The following VAMP4 variants were observed in gnomAD, a reference collection of about 807,000 sequenced individuals.
The protein encoded by VAMP4 is vesicle-associated membrane protein 4.
A neutral mutation model predicts 23.5 loss-of-function variants in VAMP4; 19 were observed. That is an observed-to-expected ratio of 0.81 (90% confidence interval 0.56 to 1.19). The LOEUF (loss-of-function observed/expected upper bound fraction) is 1.19. VAMP4 is among the 50% of genes most tolerant of loss of function. The pLI, the probability that VAMP4 is intolerant of heterozygous loss-of-function variation, is 0.00. For missense variants in VAMP4, 145 were observed against 168.6 expected, an observed-to-expected ratio of 0.86 and a Z score of 0.78; for synonymous variants, 31 against 51.0, an observed-to-expected ratio of 0.61 and a Z score of 1.67.
intron 4 of VAMP4, among the ~76,000 whole-genome samples, chr1:171,712,725 A>C (rs1391613063): frequency 6.6e-6 from 1 of 152,216 alleles, no homozygotes; most frequent in African/African-American, 2.4e-5. Flanking sequence ...GTAGAGAGTT[A>C]AAGGTGTTCA....
chr1:171,725,382 C>G (rs190919368), intron 3 of VAMP4, among the ~76,000 whole-genome samples: 1 of 152,138 alleles, frequency 6.6e-6, no homozygotes, highest in Non-Finnish European at 1.5e-5. Flanking sequence ...AGGAGAATCA[C>G]TTGAGGTCAG....
intron 2 of VAMP4, among the ~76,000 whole-genome samples, chr1:171,735,012 A>T (rs2124869436): frequency 6.6e-6 from 1 of 152,338 alleles, no homozygotes; most frequent in South Asian, 2.1e-4. Flanking sequence ...ATTTCCACAC[A>T]TATTATTAAA....
In VAMP4 at chr1:171,701,086, G is replaced by A. The variant is rs1654417824; in HGVS notation, c.*3420C>T. On this transcript the variant is annotated 3_prime_UTR_variant, in exon 8 of 8. Coordinates refer to ENST00000236192, the MANE Select transcript of VAMP4 (RefSeq NM_003762.5). ...ATGCATTTTTAGACAAAAGCATTTA[G>A]ACAAATTTCATTTGTCTACAACATG... 1 of 152,054 alleles carries A rather than the reference G, an allele frequency of 6.6e-6. No homozygotes were observed. Among genetic ancestry groups the A allele is most frequent in the African/African-American group, 2.4e-5 (1 of 41,384 alleles). The allele number at this position is 152,054 out of a possible 1,614,324, so 9.4% of individuals were successfully genotyped here.
chr1:171,709,111 A>G (rs760335581), intron 6 of VAMP4, among the ~76,000 whole-genome samples: 7 of 152,106 alleles, frequency 4.6e-5, no homozygotes, highest in Non-Finnish European at 8.8e-5. Flanking sequence ...GCAGGAGTAT[A>G]TATTAGTATG....
chr1:171,725,880 G>A (rs913088819), intron 3 of VAMP4, among the ~76,000 whole-genome samples: 2 of 151,774 alleles, frequency 1.3e-5, no homozygotes, highest in Non-Finnish European at 2.9e-5. Flanking sequence ...CAGCAGAGAC[G>A]TTTCACTGTG....
At chr1:171,710,492 C>T (rs1654816370) in intron 5 of VAMP4, among the ~76,000 whole-genome samples, 1 of 151,952 alleles carries the variant, frequency 6.6e-6, no homozygotes, top group Admixed American at 6.6e-5. Flanking sequence ...CACTCTTCAA[C>T]AATGAAATTT....
chr1:171,733,977 A>C (rs967355882), intron 2 of VAMP4, among the ~76,000 whole-genome samples: 1 of 152,228 alleles, frequency 6.6e-6, no homozygotes, highest in African/African-American at 2.4e-5. Context: ...ATATCAATAT[A>C]AGGGAATATT....
intron 7 of VAMP4, among the ~76,000 whole-genome samples, chr1:171,705,847 G>A (rs58455759): frequency 0.17 from 25,369 of 151,930 alleles, 2,258 homozygotes; most frequent in Middle Eastern, 0.24. Context: ...AAGGGAAAAA[G>A]GACGGGAAGG....
At position 171,704,417 on chromosome 1, in the gene VAMP4, A is replaced by AGTT; in HGVS notation, c.*86_*88dup. ...AGTTTCTTGAAAAAGAAGTTTTGAA[A>AGTT]GTTATATACACATAGGTTTCATTTA... On this transcript the variant is annotated 3_prime_UTR_variant, in exon 8 of 8. Transcript: ENST00000236192. 1 of 1,132,718 alleles carries AGTT rather than the reference A, an allele frequency of 8.8e-7. No homozygotes were observed. Among genetic ancestry groups the AGTT allele is most frequent in the Non-Finnish European group, 1.2e-6 (1 of 846,130 alleles). 70.2% of individuals were successfully genotyped at this position (1,132,718 alleles called of 1,614,324 possible).
intron 4 of VAMP4, among the ~76,000 whole-genome samples, chr1:171,717,406 A>G (rs1215291136): frequency 6.6e-6 from 1 of 152,168 alleles, no homozygotes; most frequent in African/African-American, 2.4e-5. Flanking sequence ...TCCCTGGAAC[A>G]TGAGAGAATG....
rs867013511 is a variant in VAMP4, at chr1:171,717,088, G to A, written c.164+2083C>T. On this transcript the variant is annotated intron_variant, in intron 4 of 7. Coordinates refer to ENST00000236192, the MANE Select transcript of VAMP4 (RefSeq NM_003762.5). Reference sequence around the variant, plus strand: ...TAATGCCTACTCTGTACAACTGGTGGTGGTTTGGGGATTCAGCTGGAAAAT... The same window carrying A: ...TAATGCCTACTCTGTACAACTGGTGATGGTTTGGGGATTCAGCTGGAAAAT... Among the ~76,000 whole-genome samples the A allele has an allele frequency of 5.9e-5, 9 of 152,256 alleles. 1 individual carries two copies. Among genetic ancestry groups the A allele is most frequent in the Middle Eastern group, 6.8e-3 (2 of 294 alleles).
chr1:171,706,269 G>T, intron 7 of VAMP4, 98 bp downstream of exon 7: 1 of 1,145,886 alleles, frequency 8.7e-7, no homozygotes, highest in Non-Finnish European at 1.3e-6. Flanking sequence ...ATTCAATCCT[G>T]ACTTCAGACA....
chr1:171,725,730 G>A (rs1340359251), intron 3 of VAMP4, among the ~76,000 whole-genome samples: 2 of 149,570 alleles, frequency 1.3e-5, no homozygotes, highest in South Asian at 2.1e-4. Flanking sequence ...TTTCTCTGTC[G>A]CCCAGGCTAG....
Position 171,702,425 on chromosome 1 carries a change from A to C in VAMP4, c.*2081T>G, listed in dbSNP as rs1297139304. 6.6e-6 allele frequency: 1 copy of C among 151,980 alleles called. No homozygotes were observed. The highest frequency in any genetic ancestry group is 1.5e-5 in the Non-Finnish European group (1 of 67,894). 9.4% of individuals were successfully genotyped at this position (151,980 alleles called of 1,614,324 possible). A position where few individuals can be genotyped will look rare whatever the true frequency, so the allele number is the denominator to read the frequency against. On this transcript the variant is annotated 3_prime_UTR_variant, in exon 8 of 8. Coordinates refer to ENST00000236192, the MANE Select transcript of VAMP4 (RefSeq NM_003762.5). ...TGTTACTTATTATTTAAATTTAAAA[A>C]TTTTATAATTTTACATTTTGTAATT...
intron 4 of VAMP4, among the ~76,000 whole-genome samples, chr1:171,711,687 A>T (rs190312703): frequency 3.3e-3 from 509 of 152,258 alleles, no homozygotes; most frequent in Non-Finnish European, 5.5e-3. Context: ...TAACCACAAA[A>T]ATTATTTTAA....
At chr1:171,735,988 G>A (rs1655729448) in intron 2 of VAMP4, among the ~76,000 whole-genome samples, 1 of 152,080 alleles carries the variant, frequency 6.6e-6, no homozygotes, top group Admixed American at 6.6e-5. Context: ...CCAGATTCAA[G>A]CAATTCTCCT....
chr1:171,706,872 CCTT>C (rs1654674409), intron 6 of VAMP4, among the ~76,000 whole-genome samples: 1 of 152,046 alleles, frequency 6.6e-6, no homozygotes, highest in African/African-American at 2.4e-5. Flanking sequence ...GTACTTTAAG[CCTT>C]TTTTATTAAT....
chr1:171,725,729 C>T (rs577953326), intron 3 of VAMP4, among the ~76,000 whole-genome samples: 2 of 151,294 alleles, frequency 1.3e-5, no homozygotes, highest in South Asian at 2.1e-4. Context: ...CTTTCTCTGT[C>T]GCCCAGGCTA....
intron 1 of VAMP4, among the ~76,000 whole-genome samples, chr1:171,738,876 A>C (rs765097472): frequency 6.6e-6 from 1 of 152,160 alleles, no homozygotes; most frequent in Non-Finnish European, 1.5e-5. Flanking sequence ...CTCAGGTGTA[A>C]AATACTGATT....
Sources: gnomAD v4.1 joint callset for allele counts (sites outside exome capture counted in the v4.1 genomes callset) on GRCh38, gnomAD v4.1.1 for gene constraint, MANE v1.5 for transcripts, NCBI Gene and HGNC (gene_info 2026-07-23, HGNC 2026-07-21) for gene names.